The following SP100 variants were observed in gnomAD, a reference collection of about 807,000 sequenced individuals.
The protein encoded by SP100 is SP100 nuclear body protein.
A neutral mutation model predicts 130.0 loss-of-function variants in SP100; 84 were observed. The observed-to-expected ratio is 0.65, with a 90% CI of 0.54 to 0.77. The LOEUF is 0.77. SP100 is among the 30% of genes least tolerant of loss of function. The pLI is 0.00. For synonymous variants in SP100, 331 were observed against 351.7 expected (o/e 0.94, Z 0.66); for missense variants, 978 against 1,052.2 (o/e 0.93, Z 0.97).
chr2:230,535,517 G>A (rs1308987887), intron 24 of SP100, among the ~76,000 whole-genome samples: 1 of 152,028 alleles, frequency 6.6e-6, no homozygotes, highest in Admixed American at 6.6e-5. Context: ...TAAGTTTGAG[G>A]CATATTTCTC....
chr2:230,461,355 C>G lies in SP100; in HGVS notation c.914C>G (p.Ser305Ter). The change falls in exon 9 of 29, where the codon TCA becomes TGA. Residue 305 changes from serine to a stop codon, truncating the protein, a stop_gained. Coordinates refer to ENST00000340126, the MANE Select transcript of SP100 (RefSeq NM_001080391.2). LOFTEE classifies it high-confidence loss of function. ...DIKKEKPFSN[S>*]KVECQAQART... is the part of the protein sequence containing the mutation. ...AAAAAGGAAAAGCCATTTTCTAATTCAAAAGTTGAGTGCCAAGCCCAAGCA... is the reference window on the plus strand; with the variant it reads ...AAAAAGGAAAAGCCATTTTCTAATTGAAAAGTTGAGTGCCAAGCCCAAGCA... The G allele has an allele frequency of 6.2e-7, 1 of 1,614,088 alleles. No individual in the cohort carries two copies. The highest frequency in any genetic ancestry group is 8.5e-7 in the Non-Finnish European group (1 of 1,179,982).
chr2:230,463,874 T>C, intron 10 of SP100, 193 bp from the exon 11 acceptor site: 1 of 419,826 alleles, frequency 2.4e-6, no homozygotes, highest in Non-Finnish European at 4.4e-6. Context: ...ATATTCCCTC[T>C]GGGGACAAGA....
At chr2:230,428,635 G>C (rs1013429569) in intron 2 of SP100, among the ~76,000 whole-genome samples, 1 of 152,086 alleles carries the variant, frequency 6.6e-6, no homozygotes, top group African/African-American at 2.4e-5. Context: ...GTAGAGACAG[G>C]GTTTCACTGT....
chr2:230,514,822 T>TG (rs1690813039), intron 24 of SP100, among the ~76,000 whole-genome samples: 1 of 152,192 alleles, frequency 6.6e-6, no homozygotes, highest in African/African-American at 2.4e-5. Flanking sequence ...TTGTAAGAAT[T>TG]GGGTAAATTC....
chr2:230,510,517 T>A (rs1690502371), intron 23 of SP100: 1 of 55,236 alleles, frequency 1.8e-5, no homozygotes, highest in Non-Finnish European at 3.7e-5. Flanking sequence ...TTTTTTTTTT[T>A]TTTTTTTTTT....
In SP100 at chr2:230,446,863, A is replaced by G. The variant is rs1356288479; in HGVS notation, c.484A>G (p.Arg162Gly). ...TCTCCAAGAAAGTGAAGAAGAAGAG[A>G]GGGAGGAGAGGTCTGGCCTCCAACT... is the stretch of plus-strand genomic sequence containing the variant. ...LPLQESEEEEREERSGLQLSL... is the reference protein window; with the variant it reads ...LPLQESEEEEGEERSGLQLSL... The change falls in exon 5 of 29, where the codon AGG becomes GGG. Residue 162 changes from arginine (R) to glycine (G), a missense_variant. Coordinates refer to ENST00000340126, the MANE Select transcript of SP100 (RefSeq NM_001080391.2). 1.2e-6 allele frequency: 2 copies of G among 1,612,172 alleles called. No individual in the cohort carries two copies. The highest frequency in any genetic ancestry group is 2.2e-5 in the East Asian group (1 of 44,814).
chr2:230,419,000 C>T (rs1044548093), intron 2 of SP100, among the ~76,000 whole-genome samples: 3 of 152,166 alleles, frequency 2.0e-5, no homozygotes, highest in African/African-American at 7.2e-5. Flanking sequence ...AGAGAATGGA[C>T]ATCTTTACAT....
At chr2:230,440,459 A>T in intron 2 of SP100, 10 of 965,150 alleles carry the variant, frequency 1.0e-5, no homozygotes, top group Admixed American at 4.3e-5. Flanking sequence ...ATTAAATTAA[A>T]TTTTTTATTT....
intron 17 of SP100, among the ~76,000 whole-genome samples, chr2:230,480,471 G>A (rs2065779283): frequency 6.6e-6 from 1 of 152,188 alleles, no homozygotes. Context: ...AATCAATATT[G>A]TCAGCTAATT....
chr2:230,461,417 A>G lies in SP100; in HGVS notation c.973+3A>G. 6.2e-7 allele frequency: 1 copy of G among 1,614,024 alleles called. No homozygotes were observed. On this transcript the variant is annotated splice_donor_region_variant and intron_variant, in intron 9 of 28. Coordinates refer to ENST00000340126, the MANE Select transcript of SP100 (RefSeq NM_001080391.2). ...TAACCAGGCATCTGACATAATAGGT[A>G]AGGCTGACTGGGAGAGTTTGTAACT...
intron 17 of SP100, among the ~76,000 whole-genome samples, chr2:230,485,939 T>C (rs1327024733): frequency 1.3e-5 from 2 of 152,232 alleles, no homozygotes; most frequent in Non-Finnish European, 2.9e-5. Flanking sequence ...TGTGTGTACT[T>C]CTGATACTAA....
At position 230,498,462 on chromosome 2, in the gene SP100, G is replaced by A. The variant is rs754560776; in HGVS notation, c.1647G>A (p.Gly549=). The A allele has an allele frequency of 2.7e-6, 4 of 1,496,858 alleles. No individual in the cohort carries two copies. Among genetic ancestry groups the A allele is most frequent in the East Asian group, 5.1e-5 (2 of 38,954 alleles). The allele number at this position is 1,496,858 out of a possible 1,614,324, so 92.7% of individuals were successfully genotyped here. Residue 549 remains glycine, a splice_region_variant and synonymous_variant, in exon 19 of 29, where the codon GGG becomes GGA. Transcript: ENST00000340126. Reference sequence around the variant, plus strand: ...ATTTATATTTTCCTATTTTCTCAGGGAGAAAGAAAGACAGACCTAGAAAAC... The same window carrying A: ...ATTTATATTTTCCTATTTTCTCAGGAAGAAAGAAAGACAGACCTAGAAAAC... ...HRSKVNGLQR[G]RKKDRPRKHL...
chr2:230,503,884 C>T (rs987454135), intron 20 of SP100, among the ~76,000 whole-genome samples: 1 of 152,154 alleles, frequency 6.6e-6, no homozygotes, highest in East Asian at 1.9e-4. Flanking sequence ...GTGGAAATCT[C>T]CCTTCAAAAC....
intron 23 of SP100, chr2:230,509,989 T>C (rs1690454938): frequency 6.6e-6 from 1 of 152,602 alleles, no homozygotes; most frequent in South Asian, 2.1e-4. Flanking sequence ...TCTGTCAACC[T>C]TATTGTCTTA....
At chr2:230,542,649 T>C (rs1692223811) in intron 28 of SP100, among the ~76,000 whole-genome samples, 187 bp from the exon 29 acceptor site, 1 of 152,204 alleles carries the variant, frequency 6.6e-6, no homozygotes, top group African/African-American at 2.4e-5. Flanking sequence ...TTCAGTGTAG[T>C]AGTATTTTGA....
At chr2:230,494,825 G>A (rs1407770787) in intron 18 of SP100, among the ~76,000 whole-genome samples, 1 of 152,172 alleles carries the variant, frequency 6.6e-6, no homozygotes, top group African/African-American at 2.4e-5. Flanking sequence ...AAAGTCTTCT[G>A]CCCACATCCC....
intron 8 of SP100, among the ~76,000 whole-genome samples, chr2:230,454,412 C>A (rs1184348570): frequency 6.6e-6 from 1 of 151,902 alleles, no homozygotes; most frequent in Admixed American, 6.6e-5. Context: ...TTTATGTATT[C>A]TTGTGTTTAT....
At chr2:230,475,652 G>C (rs2065502499) in intron 17 of SP100, among the ~76,000 whole-genome samples, 1 of 152,062 alleles carries the variant, frequency 6.6e-6, no homozygotes, top group South Asian at 2.1e-4. Context: ...GTTTATTCTA[G>C]GATTTTTATA....
chr2:230,524,197 A>AAAAAAAAAAAT (rs1691311655), intron 24 of SP100, among the ~76,000 whole-genome samples: 1 of 141,468 alleles, frequency 7.1e-6, no homozygotes, highest in Middle Eastern at 3.2e-3. Context: ...AAAAAAAAAA[A>AAAAAAAAAAAT]AAAAGAAAAT....
Sources: gnomAD v4.1 joint callset for allele counts (sites outside exome capture counted in the v4.1 genomes callset) on GRCh38, gnomAD v4.1.1 for gene constraint, MANE v1.5 for transcripts, NCBI Gene and HGNC (gene_info 2026-07-23, HGNC 2026-07-21) for gene names.